The following RBFOX1 variants were observed in gnomAD, a reference collection of about 807,000 sequenced individuals.
The protein encoded by RBFOX1 is RNA binding fox-1 homolog 1.
A neutral mutation model predicts 57.7 loss-of-function variants in RBFOX1; 8 were observed. The ratio of observed to expected loss-of-function variants is 0.14; its 90% CI spans 0.08 to 0.25. RBFOX1 has a LOEUF of 0.25. Ranked by LOEUF, RBFOX1 falls within the 10% of genes least tolerant of loss-of-function variation. RBFOX1 has a pLI of 1.00. For missense variants in RBFOX1, 611 were observed against 548.5 expected (o/e 1.11, Z -1.14); for synonymous variants, 326 against 222.4 (o/e 1.47, Z -4.15).
intron 1 of RBFOX1, among the ~76,000 whole-genome samples, chr16:5,452,216 T>G (rs1434296173): frequency 6.6e-6 from 1 of 151,068 alleles, no homozygotes; most frequent in Non-Finnish European, 1.5e-5. Flanking sequence ...CTTCTCGGGT[T>G]CAAACGATCC....
At chr16:6,266,559 C>T (rs983100068) in intron 1 of RBFOX1, among the ~76,000 whole-genome samples, 2 of 151,852 alleles carry the variant, frequency 1.3e-5, no homozygotes, top group African/African-American at 4.8e-5. Context: ...ACTAAAGATA[C>T]AAAAATCAGT....
intron 2 of RBFOX1, among the ~76,000 whole-genome samples, chr16:5,547,812 A>T (rs549870183): frequency 5.9e-5 from 9 of 152,104 alleles, no homozygotes; most frequent in Non-Finnish European, 1.2e-4. Flanking sequence ...ACCAAATACT[A>T]CATGTGCTCA....
intron 1 of RBFOX1, among the ~76,000 whole-genome samples, chr16:5,352,885 G>T (rs1044358822): frequency 1.2e-4 from 19 of 152,326 alleles, no homozygotes; most frequent in African/African-American, 4.3e-4. Flanking sequence ...TGAGGCTGCA[G>T]TCAGCTATGA....
chr16:7,341,740 CTCCCTCCCTCCCTCCTTCCCTCCT>C (rs2096896916), intron 4 of RBFOX1, among the ~76,000 whole-genome samples: 1 of 114,970 alleles, frequency 8.7e-6, no homozygotes, highest in South Asian at 4.3e-4. Flanking sequence ...CCCTCCTTCC[CTCCCTCCCTCCCTCCTTCCCTCCT>C]TCCCTCCCTC....
intron 4 of RBFOX1, chr16:7,304,416 C>T: frequency 1.0e-6 from 1 of 985,388 alleles, no homozygotes; most frequent in African/African-American, 1.7e-5. Flanking sequence ...GGGCCACCTG[C>T]GTGGCGCTCC....
At chr16:7,062,891 CCA>C (rs1491196539) in intron 4 of RBFOX1, among the ~76,000 whole-genome samples, 3 of 21,632 alleles carry the variant, frequency 1.4e-4, no homozygotes, top group African/African-American at 5.1e-4. Flanking sequence ...CAAATGATCG[CCA>C]TTTTTTTTTT....
chr16:6,142,428 A>G (rs568200262), intron 1 of RBFOX1, among the ~76,000 whole-genome samples: 24 of 151,954 alleles, frequency 1.6e-4, no homozygotes, highest in South Asian at 1.5e-3. Context: ...TCACCATGTT[A>G]GCCAGGATGG....
chr16:5,520,417 C>T (rs145874895), intron 2 of RBFOX1, among the ~76,000 whole-genome samples: 1 of 152,310 alleles, frequency 6.6e-6, no homozygotes, highest in Non-Finnish European at 1.5e-5. Context: ...CTAACTCACC[C>T]CCTGTCTTCT....
At chr16:7,657,314 A>G (rs554001283) in intron 12 of RBFOX1, among the ~76,000 whole-genome samples, 1 of 152,116 alleles carries the variant, frequency 6.6e-6, no homozygotes, top group African/African-American at 2.4e-5. Flanking sequence ...TTTAAAAAAA[A>G]TTTTTTTTGA....
intron 3 of RBFOX1, among the ~76,000 whole-genome samples, chr16:5,810,154 A>G (rs2055368987): frequency 7.1e-6 from 1 of 140,702 alleles, no homozygotes; most frequent in Non-Finnish European, 1.5e-5. Context: ...GAAGGGGAAC[A>G]TCACACTCTG....
chr16:6,977,690 G>A (rs1049459333), intron 3 of RBFOX1, among the ~76,000 whole-genome samples: 1 of 152,058 alleles, frequency 6.6e-6, no homozygotes, highest in African/African-American at 2.4e-5. Context: ...ATTAGCACTT[G>A]GTGAATATTG....
At chr16:7,540,011 A>G (rs1029278220) in intron 5 of RBFOX1, among the ~76,000 whole-genome samples, 2 of 152,192 alleles carry the variant, frequency 1.3e-5, no homozygotes, top group South Asian at 2.1e-4. Flanking sequence ...GCCCTAAAGC[A>G]TAGAAGGTGC....
intron 3 of RBFOX1, among the ~76,000 whole-genome samples, chr16:5,672,854 G>GGTGT (rs3035730): frequency 2.7e-4 from 40 of 149,622 alleles, no homozygotes; most frequent in Admixed American, 9.9e-4. Flanking sequence ...CTTCACCGTA[G>GGTGT]GTGTGTGTGT....
intron 3 of RBFOX1, among the ~76,000 whole-genome samples, chr16:6,811,490 G>A (rs143346522): frequency 9.7e-4 from 147 of 152,234 alleles, no homozygotes; most frequent in Non-Finnish European, 1.9e-3. Context: ...TAGGAGTCAG[G>A]GATGTTTAAG....
At chr16:7,666,462 C>G (rs189860192) in intron 13 of RBFOX1, among the ~76,000 whole-genome samples, 128 of 152,148 alleles carry the variant, frequency 8.4e-4, no homozygotes, top group African/African-American at 2.8e-3. Flanking sequence ...TCCACCTCTT[C>G]ACGCCTCAGT....
At chr16:5,910,415 G>T (rs1409530411) in intron 4 of RBFOX1, among the ~76,000 whole-genome samples, 1 of 152,168 alleles carries the variant, frequency 6.6e-6, no homozygotes. Flanking sequence ...AATGCTTATG[G>T]GAGGTTCAAT....
At chr16:7,071,077 G>A (rs891713257) in intron 4 of RBFOX1, among the ~76,000 whole-genome samples, 3 of 152,164 alleles carry the variant, frequency 2.0e-5, no homozygotes, top group African/African-American at 7.2e-5. Context: ...TTTACTCAAA[G>A]CCTGAGAAAG....
At chr16:5,302,144 G>T (rs78376713) in intron 1 of RBFOX1, among the ~76,000 whole-genome samples, 3,780 of 152,050 alleles carry the variant, frequency 0.025, 165 homozygotes, top group African/African-American at 0.087. Context: ...TTGTCTTTTG[G>T]TTATCATACA....
At chr16:6,226,308 G>A (rs1015875905) in intron 1 of RBFOX1, among the ~76,000 whole-genome samples, 3 of 143,528 alleles carry the variant, frequency 2.1e-5, no homozygotes, top group African/African-American at 7.7e-5. Flanking sequence ...GGGAGGTGGA[G>A]GTTGCAGTGA....
Sources: gnomAD v4.1 joint callset for allele counts (sites outside exome capture counted in the v4.1 genomes callset) on GRCh38, gnomAD v4.1.1 for gene constraint, MANE v1.5 for transcripts, NCBI Gene and HGNC (gene_info 2026-07-23, HGNC 2026-07-21) for gene names.